Variants in ITPR1 observed in about 807,000 individuals in gnomAD.
ITPR1 encodes the protein inositol 1,4,5-trisphosphate-gated calcium channel ITPR1.
In ITPR1, 96 loss-of-function variants were observed where a neutral mutation model predicts 318.4. The ratio of observed to expected loss-of-function variants is 0.30; its 90% CI spans 0.26 to 0.36. ITPR1 has a LOEUF of 0.36. Ranked by LOEUF, ITPR1 falls within the 10% of genes least tolerant of loss-of-function variation. The probability of loss-of-function intolerance (pLI) is 1.00; values close to 1 mark genes in which losing one functional copy is unlikely to be tolerated. For missense variants in ITPR1, 2,440 were observed against 3,460.2 expected, an observed-to-expected ratio of 0.71 and a Z score of 7.40; for synonymous variants, 1,312 against 1,289.9, an observed-to-expected ratio of 1.02 and a Z score of -0.37.
chr3:4,613,457 G>A (rs1228272712), intron 4 of ITPR1, among the ~76,000 whole-genome samples: 1 of 152,154 alleles, frequency 6.6e-6, no homozygotes, highest in African/African-American at 2.4e-5. Context: ...ACGGAAGAGG[G>A]AATTGGGGGG....
chr3:4,722,946 C>T lies in ITPR1; in HGVS notation c.5137-2600C>T, dbSNP rs141784675. ...GGCGGATCACTTGAGGTCAGGAGTT[C>T]GAGATCAGCCAGGCCCACATGGTGA... On this transcript the variant is annotated intron_variant, in intron 40 of 61. Transcript: ENST00000649015. 2.3e-3 allele frequency among the ~76,000 whole-genome samples: 353 copies of T among 152,272 alleles called. 1 individual carries two copies. The highest frequency in any genetic ancestry group is 0.021 in the East Asian group (110 of 5,180).
At chr3:4,566,808 C>T (rs1220595957) in intron 4 of ITPR1, among the ~76,000 whole-genome samples, 2 of 152,204 alleles carry the variant, frequency 1.3e-5, no homozygotes, top group African/African-American at 2.4e-5. Flanking sequence ...CTGTTGGCAC[C>T]AAGAGTAGTC....
chr3:4,541,270 G>A (rs2084413295), intron 4 of ITPR1, among the ~76,000 whole-genome samples: 1 of 152,084 alleles, frequency 6.6e-6, no homozygotes, highest in Non-Finnish European at 1.5e-5. Flanking sequence ...TGGAGAATCT[G>A]TTAGTGGTAA....
intron 44 of ITPR1, among the ~76,000 whole-genome samples, chr3:4,738,724 G>T (rs1039995220): frequency 7.2e-5 from 11 of 152,192 alleles, no homozygotes; most frequent in African/African-American, 2.2e-4. Flanking sequence ...ATCTTGTAAG[G>T]TCATTATGAA....
rs368753649 is a variant in ITPR1, at chr3:4,757,556, A to T, written c.5545-8974A>T. Among the ~76,000 whole-genome samples, 3 of 152,126 alleles carry T rather than the reference A, an allele frequency of 2.0e-5. No individual in the cohort carries two copies. The South Asian group carries it at 6.2e-4, about 32-fold the overall frequency. The stretch of plus-strand genomic sequence containing the variant: ...TCAGGGGAGAGGTGTTTAACAGAGC[A>T]TGTGGTTGGGAACAGGGCTGAGGCG... On this transcript the variant is annotated intron_variant, in intron 44 of 61. Transcript: ENST00000649015.
chr3:4,601,499 C>CA lies in ITPR1; in HGVS notation c.164-26248dup, dbSNP rs33950775. Among the ~76,000 whole-genome samples, 94 of 131,616 alleles carry CA rather than the reference C, an allele frequency of 7.1e-4. 1 individual carries two copies. The highest frequency in any genetic ancestry group is 3.1e-3 in the East Asian group (12 of 3,850). The allele number at this position is 131,616 out of a possible 152,430, so 86.3% of individuals were successfully genotyped here. A position where few individuals can be genotyped will look rare whatever the true frequency, so the allele number is the denominator to read the frequency against. On this transcript the variant is annotated intron_variant, in intron 4 of 61. Transcript: ENST00000649015. ...TGGGCAATGGAGTGAGACCCTGTCT[C>CA]AAAAAAAAAAAAAAAAGTGTTGAAC... is the stretch of plus-strand genomic sequence containing the variant.
intron 52 of ITPR1, among the ~76,000 whole-genome samples, chr3:4,789,308 C>G (rs543154591): frequency 6.6e-6 from 1 of 152,340 alleles, no homozygotes; most frequent in East Asian, 1.9e-4. Context: ...CCTCAGGAGA[C>G]ACAGGTGCAA....
At chr3:4,652,291 C>A in intron 11 of ITPR1, 73 bp downstream of exon 11, 1 of 1,074,332 alleles carries the variant, frequency 9.3e-7, no homozygotes, top group Non-Finnish European at 1.4e-6. Flanking sequence ...TCGCCTGTAG[C>A]CGTCGTGTTG....
At chr3:4,781,888 C>A (rs1447565260) in intron 49 of ITPR1, among the ~76,000 whole-genome samples, 1 of 152,114 alleles carries the variant, frequency 6.6e-6, no homozygotes, top group Non-Finnish European at 1.5e-5. Context: ...GAGGATAAGG[C>A]AGGAGGATCA....
chr3:4,788,880 T>C (rs1348301215), intron 52 of ITPR1, among the ~76,000 whole-genome samples: 1 of 152,204 alleles, frequency 6.6e-6, no homozygotes, highest in Non-Finnish European at 1.5e-5. Flanking sequence ...ATTCCAGCTA[T>C]AGTTGTGACG....
chr3:4,628,799 C>T (rs369458654), intron 5 of ITPR1, among the ~76,000 whole-genome samples: 4 of 152,202 alleles, frequency 2.6e-5, no homozygotes, highest in Admixed American at 6.5e-5. Flanking sequence ...AAATATTTCA[C>T]GGAATGCACA....
At chr3:4,706,135 G>A in intron 36 of ITPR1, 32 bp from the exon 37 acceptor site, 3 of 1,613,336 alleles carry the variant, frequency 1.9e-6, no homozygotes, top group African/African-American at 2.7e-5. Flanking sequence ...CATAAAAGTT[G>A]TAGGCTCACG....
chr3:4,567,945 A>G (rs1363208135), intron 4 of ITPR1, among the ~76,000 whole-genome samples: 1 of 151,870 alleles, frequency 6.6e-6, no homozygotes, highest in Non-Finnish European at 1.5e-5. Flanking sequence ...AATGATAGAC[A>G]CTATCAACAC....
chr3:4,604,134 C>A (rs1277806354), intron 4 of ITPR1, among the ~76,000 whole-genome samples: 4 of 152,062 alleles, frequency 2.6e-5, no homozygotes, highest in Non-Finnish European at 5.9e-5. Context: ...GTAAGTCTTC[C>A]TTTGAGAAGG....
At chr3:4,571,557 C>T (rs1460353831) in intron 4 of ITPR1, among the ~76,000 whole-genome samples, 2 of 152,100 alleles carry the variant, frequency 1.3e-5, no homozygotes, top group Non-Finnish European at 2.9e-5. Context: ...TGGTCTTGAA[C>T]TCCTGGGCTC....
chr3:4,820,509 G>A (rs1330565389), intron 60 of ITPR1, among the ~76,000 whole-genome samples: 1 of 152,218 alleles, frequency 6.6e-6, no homozygotes, highest in Non-Finnish European at 1.5e-5. Context: ...AGGATTAAGA[G>A]CCAGAGTGAC....
intron 5 of ITPR1, among the ~76,000 whole-genome samples, chr3:4,632,045 C>T (rs191643495): frequency 9.8e-5 from 15 of 152,336 alleles, no homozygotes; most frequent in African/African-American, 2.6e-4. Flanking sequence ...TTGTAACATG[C>T]GTTCACTTTA....
At chr3:4,725,604 T>TAGCGCC in intron 41 of ITPR1, 23 bp downstream of exon 41, 6 of 1,594,102 alleles carry the variant, frequency 3.8e-6, no homozygotes, top group Admixed American at 1.7e-5. Context: ...CCTATATTTG[T>TAGCGCC]AGCGCCAGCG....
intron 60 of ITPR1, among the ~76,000 whole-genome samples, chr3:4,824,744 G>A (rs1327430319): frequency 6.6e-6 from 1 of 152,126 alleles, no homozygotes; most frequent in Non-Finnish European, 1.5e-5. Context: ...AGTAAGACAG[G>A]AGTTAGATGG....
Sources: allele counts gnomAD v4.1 joint callset (sites outside exome capture counted in the v4.1 genomes callset), GRCh38; gene constraint gnomAD v4.1.1; transcripts MANE v1.5; gene names NCBI Gene and HGNC (gene_info 2026-07-23, HGNC 2026-07-21).